Variants in MORN5 observed in about 807,000 individuals in gnomAD.
MORN5 encodes MORN repeat containing 5, also known as MORN repeat-containing protein 5.
A neutral mutation model predicts 22.1 loss-of-function variants in MORN5; 21 were observed. That is an observed-to-expected ratio of 0.95 (90% confidence interval 0.67 to 1.37). The LOEUF (loss-of-function observed/expected upper bound fraction) is 1.37, where lower values mean the gene tolerates loss of function less well. Ranked by LOEUF, MORN5 falls within the 40% of genes most tolerant of loss-of-function variation. The pLI is 0.00. For missense variants in MORN5, 211 were observed against 215.1 expected, an observed-to-expected ratio of 0.98 and a Z score of 0.12; for synonymous variants, 73 against 74.0, an observed-to-expected ratio of 0.99 and a Z score of 0.07.
rs1203614726 is a variant in MORN5 at position 122,197,503 on chromosome 9, A to T, written c.440-2382A>T. Among the ~76,000 whole-genome samples, 1 of 152,162 alleles carries T rather than the reference A, an allele frequency of 6.6e-6. No homozygotes were observed. The highest frequency in any genetic ancestry group is 6.5e-5 in the Admixed American group (1 of 15,282). On this transcript the variant is annotated intron_variant, in intron 4 of 4. Transcript: ENST00000373764. The surrounding 1 kb of genome is among the most constrained non-coding windows in gnomAD (Gnocchi z 5.7). Reference sequence around the variant, plus strand: ...CACCCTGGCGTGGCAGGGCCAGGGGAGCCGCAGAGAGGCGCAGGGGAGGCG... The same window carrying T: ...CACCCTGGCGTGGCAGGGCCAGGGGTGCCGCAGAGAGGCGCAGGGGAGGCG...
At chr9:122,186,313 C>T (rs986666702) in intron 4 of MORN5, among the ~76,000 whole-genome samples, 1 of 152,184 alleles carries the variant, frequency 6.6e-6, no homozygotes, top group Non-Finnish European at 1.5e-5. Flanking sequence ...AGGGAGGAAC[C>T]AGGGTATGAA....
At position 122,197,507 on chromosome 9, in the gene MORN5, G is replaced by A. The variant is rs928256093; in HGVS notation, c.440-2378G>A. On this transcript the variant is annotated intron_variant, in intron 4 of 4. Coordinates refer to ENST00000373764, the MANE Select transcript of MORN5 (RefSeq NM_198469.4). The surrounding 1 kb of genome is among the most constrained non-coding windows in gnomAD (Gnocchi z 5.7). ...CTGGCGTGGCAGGGCCAGGGGAGCC[G>A]CAGAGAGGCGCAGGGGAGGCGGAGG... Among the ~76,000 whole-genome samples the A allele has an allele frequency of 1.3e-5, 2 of 152,180 alleles. No homozygotes were observed. The highest frequency in any genetic ancestry group is 2.4e-5 in the African/African-American group (1 of 41,442).
At chr9:122,170,922 C>G (rs1484957121) in intron 3 of MORN5, among the ~76,000 whole-genome samples, 1 of 151,970 alleles carries the variant, frequency 6.6e-6, no homozygotes, top group South Asian at 2.1e-4. Context: ...CACGTGTATA[C>G]CTATGTAACA....
At chr9:122,173,305 G>C (rs1253992535) in intron 3 of MORN5, among the ~76,000 whole-genome samples, 7 of 152,222 alleles carry the variant, frequency 4.6e-5, no homozygotes, top group Admixed American at 2.6e-4. Context: ...CAGGGTGAGG[G>C]TTAAAAGTGC....
chr9:122,163,411 A>C (rs1167413659), intron 1 of MORN5, among the ~76,000 whole-genome samples: 1 of 152,222 alleles, frequency 6.6e-6, no homozygotes, highest in African/African-American at 2.4e-5. Context: ...GGCTTCCTAC[A>C]ATAGAGCCCT....
At chr9:122,165,172 A>G (rs1248737068) in intron 1 of MORN5, among the ~76,000 whole-genome samples, 1 of 152,216 alleles carries the variant, frequency 6.6e-6, no homozygotes, top group Admixed American at 6.5e-5. Context: ...GAATGAAAGC[A>G]TATTTATTAA....
chr9:122,195,702 G>T (rs1045716126), intron 4 of MORN5, among the ~76,000 whole-genome samples: 2 of 152,116 alleles, frequency 1.3e-5, no homozygotes, highest in South Asian at 2.1e-4. Flanking sequence ...TGTTTGTGAG[G>T]TTTCTCCATT....
Position 122,189,764 on chromosome 9 carries a change from G to A in MORN5, c.440-10121G>A, listed in dbSNP as rs550748564. ...TGGGACCACAGGTGCCCGCCACCAC[G>A]CCTGGCTAGTTTTTTGTATTTTTAG... On this transcript the variant is annotated intron_variant, in intron 4 of 4. Transcript: ENST00000373764. Among the ~76,000 whole-genome samples the A allele has an allele frequency of 1.4e-4, 21 of 152,096 alleles. No individual in the cohort carries two copies. The South Asian group carries it at 3.1e-3, about 23-fold the overall frequency.
At chr9:122,177,622 G>A (rs953351592) in intron 4 of MORN5, among the ~76,000 whole-genome samples, 4 of 152,070 alleles carry the variant, frequency 2.6e-5, no homozygotes, top group Admixed American at 1.3e-4. Flanking sequence ...TAGTAGAGGC[G>A]GGGTTTTGCC....
chr9:122,167,987 C>G (rs1168297736), intron 2 of MORN5, among the ~76,000 whole-genome samples: 1 of 152,212 alleles, frequency 6.6e-6, no homozygotes, highest in African/African-American at 2.4e-5. Context: ...CCTGACCTTA[C>G]TATTTCCCTC....
chr9:122,194,251 T>G (rs1467628124), intron 4 of MORN5, among the ~76,000 whole-genome samples: 1 of 152,130 alleles, frequency 6.6e-6, no homozygotes, highest in East Asian at 1.9e-4. Context: ...GGCTTGCCAA[T>G]TCATTCATTA....
At chr9:122,170,298 GAAA>G (rs34931205) in intron 3 of MORN5, among the ~76,000 whole-genome samples, 3 of 130,404 alleles carry the variant, frequency 2.3e-5, no homozygotes, top group Non-Finnish European at 3.2e-5. Flanking sequence ...TCTGGTCTCA[GAAA>G]AAAAAAAAAA....
At chr9:122,163,300 T>A (rs935371291) in intron 1 of MORN5, among the ~76,000 whole-genome samples, 1 of 152,098 alleles carries the variant, frequency 6.6e-6, no homozygotes, top group Non-Finnish European at 1.5e-5. Context: ...ATTTTACAGA[T>A]GGGAAAAGTA....
At chr9:122,198,247 G>A (rs1439120462) in intron 4 of MORN5, among the ~76,000 whole-genome samples, 1 of 152,218 alleles carries the variant, frequency 6.6e-6, no homozygotes, top group African/African-American at 2.4e-5. Flanking sequence ...TGGGTCTGGT[G>A]CCTTTCACAC....
At chr9:122,176,067 G>T (rs1487285473) in intron 4 of MORN5, among the ~76,000 whole-genome samples, 1 of 148,234 alleles carries the variant, frequency 6.7e-6, no homozygotes, top group African/African-American at 2.5e-5. Context: ...GCAGTGAGCC[G>T]AGATCGCGCC....
chr9:122,180,815 T>C (rs1352658662), intron 4 of MORN5, among the ~76,000 whole-genome samples: 7 of 152,170 alleles, frequency 4.6e-5, no homozygotes, highest in Non-Finnish European at 7.3e-5. Context: ...AGAAGTATCT[T>C]TATTAGCCTA....
intron 1 of MORN5, among the ~76,000 whole-genome samples, chr9:122,165,629 C>A (rs1176355732): frequency 6.6e-6 from 1 of 152,062 alleles, no homozygotes; most frequent in Non-Finnish European, 1.5e-5. Flanking sequence ...AAGCTGGTGT[C>A]CCTGCCTTGT....
intron 3 of MORN5, among the ~76,000 whole-genome samples, chr9:122,172,097 A>G: frequency 6.6e-6 from 1 of 150,640 alleles, no homozygotes; most frequent in Non-Finnish European, 1.5e-5. Context: ...AAGTAGCTGG[A>G]ACTACAGGAA....
intron 3 of MORN5, among the ~76,000 whole-genome samples, chr9:122,173,553 G>A (rs1411142649): frequency 1.3e-5 from 2 of 152,094 alleles, no homozygotes; most frequent in Non-Finnish European, 2.9e-5. Flanking sequence ...GTGCTCAGTG[G>A]GCATCCAGCT....
Sources: allele counts gnomAD v4.1 joint callset (sites outside exome capture counted in the v4.1 genomes callset), GRCh38; gene constraint gnomAD v4.1.1; non-coding constraint Gnocchi (gnomAD v3.1); transcripts MANE v1.5; gene names NCBI Gene and HGNC (gene_info 2026-07-23, HGNC 2026-07-21).